Variants in SLC39A8 observed in about 807,000 individuals in gnomAD.
SLC39A8 encodes solute carrier family 39 member 8, also known as metal cation symporter ZIP8.
In SLC39A8, 15 loss-of-function variants were observed where a neutral mutation model predicts 40.4. The ratio of observed to expected loss-of-function variants is 0.37; its 90% CI spans 0.25 to 0.57. The LOEUF is 0.57. SLC39A8 is among the 20% of genes least tolerant of loss of function. The pLI is 0.75. For synonymous variants in SLC39A8, 223 were observed against 221.6 expected, an observed-to-expected ratio of 1.01 and a Z score of -0.06; for missense variants, 472 against 558.8, an observed-to-expected ratio of 0.84 and a Z score of 1.57.
intron 6 of SLC39A8, among the ~76,000 whole-genome samples, chr4:102,303,012 T>C (rs949414278): frequency 1.3e-5 from 2 of 151,974 alleles, no homozygotes; most frequent in African/African-American, 2.4e-5. Flanking sequence ...GAGAAGCATA[T>C]GACCAATCAT....
In SLC39A8 at chr4:102,255,931, C is replaced by T. The variant is rs558489107; in HGVS notation, c.*299-2501G>A. On this transcript the variant is annotated intron_variant and NMD_transcript_variant, in intron 11 of 11. Coordinates refer to the SLC39A8 transcript ENST00000424970. The stretch of plus-strand genomic sequence containing the variant: ...ATGACAGCGCAGGTGCTTTTTCTCA[C>T]GTGCATCCTTCTACGAAATGCTTAG... Among the ~76,000 whole-genome samples, 4 of 152,290 alleles carry T rather than the reference C, an allele frequency of 2.6e-5. No individual in the cohort carries two copies. The South Asian group carries it at 6.2e-4, about 24-fold the overall frequency.
At chr4:102,283,943 T>A (rs1275989546) in intron 6 of SLC39A8, among the ~76,000 whole-genome samples, 2 of 152,182 alleles carry the variant, frequency 1.3e-5, no homozygotes, top group Non-Finnish European at 2.9e-5. Flanking sequence ...ATAATATTAT[T>A]CTCTCGGATA....
At chr4:102,270,670 C>T (rs1732312698) in intron 6 of SLC39A8, among the ~76,000 whole-genome samples, 1 of 152,154 alleles carries the variant, frequency 6.6e-6, no homozygotes, top group African/African-American at 2.4e-5. Context: ...AGTCTGGAAT[C>T]TAAAACTGAG....
intron 2 of SLC39A8, among the ~76,000 whole-genome samples, chr4:102,324,840 G>A (rs1371137112): frequency 6.6e-6 from 1 of 152,036 alleles, no homozygotes; most frequent in Non-Finnish European, 1.5e-5. Context: ...TTAACAATTG[G>A]GAGACCACTT....
At chr4:102,281,428 C>T (rs1732864260) in intron 6 of SLC39A8, among the ~76,000 whole-genome samples, 2 of 152,072 alleles carry the variant, frequency 1.3e-5, no homozygotes, top group Non-Finnish European at 2.9e-5. Flanking sequence ...ACATCAAGAA[C>T]TGAAATATTC....
At chr4:102,254,015 C>G (rs1195313008) in intron 11 of SLC39A8, among the ~76,000 whole-genome samples, 2 of 152,094 alleles carry the variant, frequency 1.3e-5, no homozygotes, top group East Asian at 3.9e-4. Flanking sequence ...AGTTCCAGCT[C>G]AAGTTAAACC....
intron 2 of SLC39A8, among the ~76,000 whole-genome samples, chr4:102,329,945 A>T (rs982022267): frequency 6.6e-6 from 1 of 152,214 alleles, no homozygotes; most frequent in African/African-American, 2.4e-5. Flanking sequence ...GTAATAACGA[A>T]ATTAACGCAG....
At chr4:102,340,420 GAGA>G (rs2149057410) in intron 2 of SLC39A8, among the ~76,000 whole-genome samples, 1 of 152,252 alleles carries the variant, frequency 6.6e-6, no homozygotes, top group Non-Finnish European at 1.5e-5. Flanking sequence ...CTACACTCTT[GAGA>G]AGATCAAGAA....
intron 8 of SLC39A8, among the ~76,000 whole-genome samples, chr4:102,265,240 T>C (rs913296706): frequency 1.3e-5 from 2 of 152,174 alleles, no homozygotes; most frequent in African/African-American, 4.8e-5. Context: ...TGTAGGATTA[T>C]TAATTGGTGT....
Position 102,342,571 on chromosome 4 carries a change from TC to T in SLC39A8, c.219+1872del. On this transcript the variant is annotated intron_variant, in intron 2 of 8. Transcript: ENST00000356736. ...TGGTAAATTTTCCTTGGCTTCCTTTTCTTTCCAAGGTAATTATGGGCTTCTT... is the reference window on the plus strand; with the variant it reads ...TGGTAAATTTTCCTTGGCTTCCTTTTTTTCCAAGGTAATTATGGGCTTCTT... Among the ~76,000 whole-genome samples the T allele has an allele frequency of 1.3e-5, 2 of 152,358 alleles. 1 individual carries two copies. Among genetic ancestry groups the T allele is most frequent in the South Asian group, 4.1e-4 (2 of 4,828 alleles).
chr4:102,273,754 G>T (rs1486518164), intron 6 of SLC39A8, among the ~76,000 whole-genome samples: 4 of 152,214 alleles, frequency 2.6e-5, no homozygotes, highest in Non-Finnish European at 5.9e-5. Flanking sequence ...GGAAGGAGCA[G>T]ACAGCAATCT....
rs577670206 is a variant in SLC39A8 at position 102,301,202 on chromosome 4, T to C, written c.840+3115A>G. ...TAGGTTTATAATTCCACAGTTGTTTTCATTCAGAATATTGAAGGAATTGTG... is the reference window on the plus strand; with the variant it reads ...TAGGTTTATAATTCCACAGTTGTTTCCATTCAGAATATTGAAGGAATTGTG... On this transcript the variant is annotated intron_variant, in intron 6 of 8. Coordinates refer to ENST00000356736, the MANE Select transcript of SLC39A8 (RefSeq NM_001135146.2). 8.5e-5 allele frequency among the ~76,000 whole-genome samples: 13 copies of C among 152,130 alleles called. No homozygotes were observed. The South Asian group carries it at 2.5e-3, about 29-fold the overall frequency.
At chr4:102,340,208 T>C (rs1417109833) in intron 2 of SLC39A8, among the ~76,000 whole-genome samples, 1 of 152,142 alleles carries the variant, frequency 6.6e-6, no homozygotes, top group Non-Finnish European at 1.5e-5. Flanking sequence ...CACTAGTCTC[T>C]AGAGAGAGGA....
intron 6 of SLC39A8, among the ~76,000 whole-genome samples, chr4:102,272,646 G>T (rs1732421244): frequency 6.6e-6 from 1 of 152,054 alleles, no homozygotes; most frequent in South Asian, 2.1e-4. Flanking sequence ...ACCACTTAAA[G>T]AATTCTTACT....
intron 6 of SLC39A8, among the ~76,000 whole-genome samples, chr4:102,297,714 CA>C (rs1484284595): frequency 6.6e-6 from 1 of 151,914 alleles, no homozygotes; most frequent in Non-Finnish European, 1.5e-5. Flanking sequence ...ACCTGGAGTT[CA>C]AGATCAGCCT....
At chr4:102,271,081 G>GAGGAAGAAGAGA (rs1732344013) in intron 6 of SLC39A8, among the ~76,000 whole-genome samples, 1 of 151,884 alleles carries the variant, frequency 6.6e-6, no homozygotes, top group Non-Finnish European at 1.5e-5. Context: ...GGATGAGGAA[G>GAGGAAGAAGAGA]AGGATGAAGA....
chr4:102,322,323 G>A (rs1301575481), intron 2 of SLC39A8, among the ~76,000 whole-genome samples: 2 of 152,142 alleles, frequency 1.3e-5, no homozygotes, highest in Non-Finnish European at 2.9e-5. Context: ...TGTGCACCCT[G>A]ACTCTTAAGT....
intron 8 of SLC39A8, among the ~76,000 whole-genome samples, chr4:102,267,017 A>G (rs1056367794): frequency 3.0e-4 from 45 of 152,178 alleles, no homozygotes; most frequent in African/African-American, 1.1e-3. Context: ...AATTTTACCA[A>G]TTTTAGTGTA....
At chr4:102,269,158 A>G (rs1732237034) in intron 6 of SLC39A8, among the ~76,000 whole-genome samples, 1 of 145,902 alleles carries the variant, frequency 6.9e-6, no homozygotes, top group Non-Finnish European at 1.6e-5. Flanking sequence ...ATATATGGAT[A>G]CATTAAAAAA....
Sources: gnomAD v4.1 joint callset for allele counts (sites outside exome capture counted in the v4.1 genomes callset) on GRCh38, gnomAD v4.1.1 for gene constraint, MANE v1.5 for transcripts, NCBI Gene and HGNC (gene_info 2026-07-23, HGNC 2026-07-21) for gene names.